The following SAMD12 variants were observed in gnomAD, a reference collection of about 807,000 sequenced individuals.
SAMD12 encodes the protein sterile alpha motif domain-containing protein 12.
In SAMD12, 9 loss-of-function variants were observed where a neutral mutation model predicts 15.0. The ratio of observed to expected loss-of-function variants is 0.60; its 90% CI spans 0.36 to 1.05. The LOEUF (loss-of-function observed/expected upper bound fraction) is 1.05, where lower values mean the gene tolerates loss of function less well. Ranked by LOEUF, SAMD12 falls within the 50% of genes least tolerant of loss-of-function variation. The pLI is 0.01. For synonymous variants in SAMD12, 86 were observed against 90.1 expected (o/e 0.96, Z 0.25); for missense variants, 230 against 234.2 (o/e 0.98, Z 0.12).
chr8:118,258,454 ATTG>A (rs112971620), intron 4 of SAMD12, among the ~76,000 whole-genome samples: 15,209 of 152,022 alleles, frequency 0.1, 2,341 homozygotes, highest in African/African-American at 0.33. Context: ...TTCCACAATT[ATTG>A]TTATTATTTG....
chr8:118,563,058 A>G (rs1348806979), intron 2 of SAMD12, among the ~76,000 whole-genome samples: 2 of 152,244 alleles, frequency 1.3e-5, no homozygotes, highest in Non-Finnish European at 2.9e-5. Context: ...GATAGAGGAC[A>G]TTGTACATAT....
At chr8:118,584,802 A>C (rs1827390434) in intron 1 of SAMD12, among the ~76,000 whole-genome samples, 1 of 152,092 alleles carries the variant, frequency 6.6e-6, no homozygotes. Flanking sequence ...AAAATTGAAA[A>C]CCAGGTGCAT....
chr8:118,510,698 A>G (rs1223104013), intron 2 of SAMD12, among the ~76,000 whole-genome samples: 2 of 152,176 alleles, frequency 1.3e-5, no homozygotes, highest in Admixed American at 6.5e-5. Context: ...TTTAGGTATT[A>G]CAGCCTGGCT....
chr8:118,339,370 A>C (rs1442086741), intron 4 of SAMD12, among the ~76,000 whole-genome samples: 1 of 152,160 alleles, frequency 6.6e-6, no homozygotes, highest in Non-Finnish European at 1.5e-5. Flanking sequence ...AGAGAGAGAG[A>C]AAGAAAAATG....
chr8:118,540,603 A>G (rs1035674250), intron 2 of SAMD12, among the ~76,000 whole-genome samples: 3 of 152,188 alleles, frequency 2.0e-5, no homozygotes, highest in African/African-American at 7.2e-5. Context: ...AATTCTAAAC[A>G]TATCAGAGGA....
intron 4 of SAMD12, among the ~76,000 whole-genome samples, chr8:118,365,092 A>G (rs1224458044): frequency 6.6e-6 from 1 of 152,276 alleles, no homozygotes; most frequent in East Asian, 1.9e-4. Flanking sequence ...GAGAAAAGCA[A>G]ACATATAAGG....
chr8:118,427,610 T>C (rs553946465), intron 3 of SAMD12, among the ~76,000 whole-genome samples: 1 of 102,094 alleles, frequency 9.8e-6, no homozygotes, highest in African/African-American at 2.6e-5. Flanking sequence ...TTCACTCACA[T>C]TGTGTGCACA....
intron 2 of SAMD12, among the ~76,000 whole-genome samples, chr8:118,499,463 A>G (rs865980016): frequency 6.6e-6 from 1 of 152,374 alleles, no homozygotes; most frequent in Middle Eastern, 3.4e-3. Context: ...TATTAGCCAC[A>G]TGTCCACAAC....
chr8:118,571,929 C>G (rs548359291), intron 2 of SAMD12, among the ~76,000 whole-genome samples: 1 of 152,296 alleles, frequency 6.6e-6, no homozygotes, highest in Non-Finnish European at 1.5e-5. Context: ...GGCCACCATC[C>G]TCAAGATCCC....
chr8:118,406,259 C>T (rs1470913887), intron 3 of SAMD12, among the ~76,000 whole-genome samples: 1 of 151,714 alleles, frequency 6.6e-6, no homozygotes, highest in African/African-American at 2.4e-5. Context: ...ACCATCTTAA[C>T]CATTTTATTT....
At chr8:118,364,946 C>A (rs1429673251) in intron 4 of SAMD12, among the ~76,000 whole-genome samples, 1 of 151,560 alleles carries the variant, frequency 6.6e-6, no homozygotes, top group Non-Finnish European at 1.5e-5. Flanking sequence ...AGCCTCCTAA[C>A]TAGATGTCTT....
chr8:118,194,661 T>C (rs1379116112), exon 5 of SAMD12: 1 of 152,192 alleles, frequency 6.6e-6, no homozygotes, highest in Non-Finnish European at 1.5e-5. Context: ...CATAAAAATA[T>C]GTATCCTTTA....
At chr8:118,570,079 C>T (rs144786094) in intron 2 of SAMD12, among the ~76,000 whole-genome samples, 11 of 152,214 alleles carry the variant, frequency 7.2e-5, no homozygotes, top group East Asian at 1.9e-4. Context: ...GCAGAAATCA[C>T]GGGAGCCAGC....
chr8:118,416,235 T>C (rs1351663478), intron 3 of SAMD12, among the ~76,000 whole-genome samples: 1 of 152,226 alleles, frequency 6.6e-6, no homozygotes, highest in African/African-American at 2.4e-5. Context: ...GAAAATGTTA[T>C]ATGAAGTGAT....
intron 4 of SAMD12, among the ~76,000 whole-genome samples, chr8:118,264,078 T>C (rs1236292953): frequency 6.6e-6 from 1 of 152,124 alleles, no homozygotes; most frequent in Admixed American, 6.6e-5. Context: ...TGTCCAACTT[T>C]CTTACTCTAT....
chr8:118,178,676 G>C, the SAMD12 span, among the ~76,000 whole-genome samples: 2 of 151,892 alleles, frequency 1.3e-5, no homozygotes, highest in Admixed American at 6.6e-5. Context: ...ATGTTGGCCA[G>C]GCTGGTCTTG....
chr8:118,556,719 C>T (rs1826542339), intron 2 of SAMD12, among the ~76,000 whole-genome samples: 2 of 151,948 alleles, frequency 1.3e-5, no homozygotes, highest in Non-Finnish European at 2.9e-5. Flanking sequence ...AATCCCAGTA[C>T]TTTGGGAGGC....
chr8:118,282,022 T>C, intron 4 of SAMD12: 1 of 320,848 alleles, frequency 3.1e-6, no homozygotes, highest in Non-Finnish European at 6.1e-6. Context: ...GATGTCTGTT[T>C]TAAGGCAAAT....
At chr8:118,501,838 A>C (rs936942246) in intron 2 of SAMD12, among the ~76,000 whole-genome samples, 3 of 152,002 alleles carry the variant, frequency 2.0e-5, no homozygotes, top group Non-Finnish European at 2.9e-5. Flanking sequence ...AACACGGTGA[A>C]ACCCTGTCTC....
Sources: gnomAD v4.1 joint callset for allele counts (sites outside exome capture counted in the v4.1 genomes callset) on GRCh38, gnomAD v4.1.1 for gene constraint, MANE v1.5 for transcripts, NCBI Gene and HGNC (gene_info 2026-07-23, HGNC 2026-07-21) for gene names.